The following FAT3 variants were observed in gnomAD, a reference collection of about 807,000 sequenced individuals.
The protein encoded by FAT3 is FAT atypical cadherin 3.
Under a neutral mutation model 310.2 loss-of-function variants are expected in FAT3, and 95 were observed. That is an observed-to-expected ratio of 0.31 (90% confidence interval 0.26 to 0.36). FAT3 has a LOEUF of 0.36. Ranked by LOEUF, FAT3 falls within the 10% of genes least tolerant of loss-of-function variation. The pLI is 1.00. For synonymous variants in FAT3, 2,314 were observed against 2,192.9 expected (o/e 1.06, Z -1.54); for missense variants, 5,408 against 5,715.6 (o/e 0.95, Z 1.74).
intron 3 of FAT3, among the ~76,000 whole-genome samples, chr11:92,570,473 C>T (rs945024417): frequency 1.3e-5 from 2 of 152,102 alleles, no homozygotes; most frequent in Admixed American, 6.6e-5. Context: ...AGAACATATG[C>T]ACAAGGGAAG....
intron 2 of FAT3, among the ~76,000 whole-genome samples, chr11:92,360,475 C>T (rs1156556357): frequency 6.6e-6 from 1 of 152,156 alleles, no homozygotes; most frequent in Non-Finnish European, 1.5e-5. Context: ...ACAAAGAATG[C>T]ATTCTTATTC....
chr11:92,769,881 C>T (rs778607986), intron 6 of FAT3, among the ~76,000 whole-genome samples: 6 of 152,128 alleles, frequency 3.9e-5, no homozygotes, highest in Non-Finnish European at 7.3e-5. Context: ...GAACCTTGTC[C>T]CCAGTGGAGC....
At chr11:92,672,382 AGCAGAAATGGACTTT>A (rs1293933910) in intron 3 of FAT3, among the ~76,000 whole-genome samples, 1 of 152,226 alleles carries the variant, frequency 6.6e-6, no homozygotes, top group African/African-American at 2.4e-5. Context: ...ATATCTTTAT[AGCAGAAATGGACTTT>A]GCAGTGTTTC....
chr11:92,827,934 C>G (rs532451152), intron 13 of FAT3, among the ~76,000 whole-genome samples: 2 of 152,270 alleles, frequency 1.3e-5, no homozygotes, highest in South Asian at 4.1e-4. Context: ...CTCTTGGTAA[C>G]CTGGCATTTC....
intron 6 of FAT3, among the ~76,000 whole-genome samples, chr11:92,770,956 T>G (rs1440456672): frequency 6.6e-6 from 1 of 152,152 alleles, no homozygotes; most frequent in Non-Finnish European, 1.5e-5. Context: ...CATCTGCTCT[T>G]TGTTTACTCT....
intron 1 of FAT3, among the ~76,000 whole-genome samples, chr11:92,266,399 C>T (rs1282316534): frequency 1.3e-5 from 2 of 152,146 alleles, no homozygotes; most frequent in African/African-American, 4.8e-5. Flanking sequence ...CGTACAAATC[C>T]TCTTTGATAA....
At chr11:92,412,847 C>A (rs1431161528) in intron 2 of FAT3, among the ~76,000 whole-genome samples, 2 of 150,028 alleles carry the variant, frequency 1.3e-5, no homozygotes, top group Admixed American at 6.7e-5. Context: ...TTCCCATATA[C>A]CCCCCTACAC....
intron 2 of FAT3, among the ~76,000 whole-genome samples, chr11:92,514,221 A>G (rs761143117): frequency 9.2e-5 from 14 of 152,158 alleles, no homozygotes; most frequent in Non-Finnish European, 1.6e-4. Context: ...ATAAATAAAT[A>G]CTTTCTGTGT....
chr11:92,339,840 G>A (rs942213246), intron 1 of FAT3, among the ~76,000 whole-genome samples: 54 of 152,188 alleles, frequency 3.5e-4, no homozygotes, highest in Non-Finnish European at 6.3e-4. Context: ...GGGGCCAGGC[G>A]CGGTGGCTCA....
chr11:92,655,005 C>G (rs544055795), intron 3 of FAT3, among the ~76,000 whole-genome samples: 1 of 152,260 alleles, frequency 6.6e-6, no homozygotes, highest in African/African-American at 2.4e-5. Context: ...GCCCCATGGG[C>G]CTATAATGAC....
intron 6 of FAT3, among the ~76,000 whole-genome samples, chr11:92,771,515 G>T (rs1946455091): frequency 6.6e-6 from 1 of 151,392 alleles, no homozygotes; most frequent in African/African-American, 2.4e-5. Flanking sequence ...GGAAGATTTT[G>T]TTTTACATTA....
At chr11:92,630,373 A>G (rs1591540799) in intron 3 of FAT3, among the ~76,000 whole-genome samples, 1 of 152,202 alleles carries the variant, frequency 6.6e-6, no homozygotes. Context: ...AATTTCATCC[A>G]TTCCTGTAGC....
rs1396785072 is a variant in FAT3 at position 92,895,395 on chromosome 11, A to G, written c.*4282A>G. ...GTTTGGCATCAATTAATATTTAGCC[A>G]GCTGGCTAAGAGATAGGAAAAGAAT... On this transcript the variant is annotated 3_prime_UTR_variant, in exon 28 of 28. Transcript: ENST00000525166. The G allele has an allele frequency of 5.3e-5, 8 of 152,246 alleles. No homozygotes were observed. The highest frequency in any genetic ancestry group is 1.7e-4 in the African/African-American group (7 of 41,470). 9.4% of individuals were successfully genotyped at this position (152,246 alleles called of 1,614,324 possible).
At chr11:92,250,185 A>G (rs922447668) in intron 1 of FAT3, among the ~76,000 whole-genome samples, 11 of 152,144 alleles carry the variant, frequency 7.2e-5, no homozygotes, top group African/African-American at 2.7e-4. Flanking sequence ...AGTGGTACAT[A>G]AATTCTGCAA....
chr11:92,549,009 A>G (rs678256), intron 3 of FAT3, among the ~76,000 whole-genome samples: 61,760 of 151,972 alleles, frequency 0.41, 13,011 homozygotes, highest in Middle Eastern at 0.54. Context: ...AAAGCAGAAA[A>G]CCTGGCTAAT....
chr11:92,515,830 A>C (rs894793209), intron 2 of FAT3, among the ~76,000 whole-genome samples: 1 of 152,166 alleles, frequency 6.6e-6, no homozygotes, highest in Non-Finnish European at 1.5e-5. Flanking sequence ...TGTGAAAGTC[A>C]TGATAGTGAT....
At chr11:92,492,521 T>C (rs1952638367) in intron 2 of FAT3, among the ~76,000 whole-genome samples, 1 of 152,114 alleles carries the variant, frequency 6.6e-6, no homozygotes, top group African/African-American at 2.4e-5. Context: ...GCTAAATAAA[T>C]GGTAGCTTTA....
At chr11:92,461,018 G>A (rs1052253328) in intron 2 of FAT3, among the ~76,000 whole-genome samples, 2 of 152,220 alleles carry the variant, frequency 1.3e-5, no homozygotes, top group East Asian at 3.9e-4. Flanking sequence ...TAGCCATATT[G>A]GAGTCCATGG....
At position 92,891,828 on chromosome 11, in the gene FAT3, G is replaced by C. The variant is rs747359309; in HGVS notation, c.*715G>C. The C allele has an allele frequency of 1.3e-5, 2 of 152,364 alleles. No individual in the cohort carries two copies. Among genetic ancestry groups the C allele is most frequent in the East Asian group, 3.8e-4 (2 of 5,200 alleles). 9.4% of individuals were successfully genotyped at this position (152,364 alleles called of 1,614,324 possible). The stretch of plus-strand genomic sequence containing the variant: ...GCTTTTTGGGTTCCATTTGGTGGGT[G>C]GGGGAGGAAGTTAAAGTTGTTTGAA... On this transcript the variant is annotated 3_prime_UTR_variant, in exon 28 of 28. Coordinates refer to ENST00000525166, the MANE Select transcript of FAT3 (RefSeq NM_001367949.2).
Sources: allele counts gnomAD v4.1 joint callset (sites outside exome capture counted in the v4.1 genomes callset), GRCh38; gene constraint gnomAD v4.1.1; transcripts MANE v1.5; gene names NCBI Gene and HGNC (gene_info 2026-07-23, HGNC 2026-07-21).